Variants in DOCK5 observed in about 807,000 individuals in gnomAD.
DOCK5 encodes dedicator of cytokinesis protein 5.
Under a neutral mutation model 251.8 loss-of-function variants are expected in DOCK5, and 142 were observed. The ratio of observed to expected loss-of-function variants is 0.56; its 90% confidence interval spans 0.49 to 0.65. The LOEUF is 0.65. Among genes scored for constraint, DOCK5 ranks in the 30% least tolerant of loss-of-function variants. The pLI, the probability that DOCK5 is intolerant of heterozygous loss-of-function variation, is 0.00. For missense variants in DOCK5, 2,111 were observed against 2,312.3 expected, an observed-to-expected ratio of 0.91 and a Z score of 1.79; for synonymous variants, 842 against 835.5, an observed-to-expected ratio of 1.01 and a Z score of -0.13.
At chr8:25,278,330 C>A (rs550884330) in intron 4 of DOCK5, among the ~76,000 whole-genome samples, 19 of 152,276 alleles carry the variant, frequency 1.2e-4, no homozygotes, top group African/African-American at 4.3e-4. Flanking sequence ...CTGGGGAGGT[C>A]GAGGCTGGGC....
chr8:25,202,620 T>C (rs1042620296), intron 1 of DOCK5, among the ~76,000 whole-genome samples: 3 of 152,178 alleles, frequency 2.0e-5, no homozygotes, highest in Admixed American at 6.5e-5. Flanking sequence ...GATCACACAG[T>C]AGTCCCGCCT....
Position 25,317,022 on chromosome 8 carries a change from A to T in DOCK5, c.1334A>T (p.Asp445Val). 13 of 1,613,956 alleles carry T rather than the reference A, an allele frequency of 8.1e-6. No individual in the cohort carries two copies. Among genetic ancestry groups the T allele is most frequent in the Non-Finnish European group, 1.0e-5 (12 of 1,179,872 alleles). Residue 445 changes from aspartate to valine, a missense_variant, in exon 14 of 52, where the codon GAC becomes GTC. By Grantham distance (152) the Asp-to-Val change is radical. Coordinates refer to ENST00000276440, the MANE Select transcript of DOCK5 (RefSeq NM_024940.8). Reference protein sequence around the residue: ...EIILPGDVRNDIYVTLIHGEF... With the variant: ...EIILPGDVRNVIYVTLIHGEF... Reference sequence around the variant, plus strand: ...CATGTTGCAGGAGATGTTCGGAATGACATTTATGTCACCCTGATCCACGGT... The same window carrying T: ...CATGTTGCAGGAGATGTTCGGAATGTCATTTATGTCACCCTGATCCACGGT...
intron 4 of DOCK5, chr8:25,276,857 A>G (rs537509447): frequency 3.3e-4 from 51 of 152,308 alleles, no homozygotes; most frequent in African/African-American, 1.2e-3. Context: ...GACCCATACA[A>G]CAGCAGAATT....
intron 37 of DOCK5, chr8:25,376,245 T>G: frequency 1.0e-6 from 1 of 985,376 alleles, no homozygotes; most frequent in Non-Finnish European, 1.2e-6. Context: ...CTCAGGAAGG[T>G]AAACTCTCCT....
At chr8:25,235,799 CTTTTTTTTTT>C (rs924321586) in intron 1 of DOCK5, among the ~76,000 whole-genome samples, 2 of 128,606 alleles carry the variant, frequency 1.6e-5, no homozygotes, top group Admixed American at 8.5e-5. Flanking sequence ...TTTTCTTTTC[CTTTTTTTTTT>C]TTTTTTTTGA....
chr8:25,186,915 T>C (rs1371611752), intron 1 of DOCK5, among the ~76,000 whole-genome samples: 1 of 151,994 alleles, frequency 6.6e-6, no homozygotes, highest in African/African-American at 2.4e-5. Context: ...AGAAAAATAT[T>C]TGGGCCAGGT....
At chr8:25,334,228 T>C (rs1260904527) in intron 21 of DOCK5, 32 bp downstream of exon 21, 6 of 1,539,690 alleles carry the variant, frequency 3.9e-6, no homozygotes, top group Admixed American at 1.7e-5. Flanking sequence ...TACATGTTGT[T>C]GGATCTTTGG....
In DOCK5 at chr8:25,255,159, G is replaced by A. The variant is rs144588751; in HGVS notation, c.127+11402G>A. On this transcript the variant is annotated intron_variant, in intron 2 of 51. Transcript: ENST00000276440. ...AGACAGTTTGTTAGTGTCTTAGAAA[G>A]CTAAACACACTCTCATCACACAATG... is the stretch of plus-strand genomic sequence containing the variant. Among the ~76,000 whole-genome samples the A allele has an allele frequency of 6.6e-4, 100 of 152,280 alleles. 4 individuals carry two copies. The South Asian group carries it at 0.014, about 21-fold the overall frequency.
Position 25,226,086 on chromosome 8 carries a change from A to T in DOCK5, c.44-17588A>T, listed in dbSNP as rs925980914. Among the ~76,000 whole-genome samples, 8 of 152,308 alleles carry T rather than the reference A, an allele frequency of 5.3e-5. No individual in the cohort carries two copies. The East Asian group carries it at 1.5e-3, about 29-fold the overall frequency. ...ATTGAAAATTAAGAAAAAATACTGA[A>T]GTCATTTAGCAGGTAAAATAAAACA... On this transcript the variant is annotated intron_variant, in intron 1 of 51. Coordinates refer to ENST00000276440, the MANE Select transcript of DOCK5 (RefSeq NM_024940.8).
intron 13 of DOCK5, among the ~76,000 whole-genome samples, chr8:25,311,912 A>G (rs1170947088): frequency 6.7e-6 from 1 of 150,368 alleles, no homozygotes; most frequent in African/African-American, 2.5e-5. Flanking sequence ...ACAGAGCAAG[A>G]CTCTGCCTCC....
intron 42 of DOCK5, among the ~76,000 whole-genome samples, chr8:25,390,957 C>T (rs1350794671): frequency 3.3e-5 from 5 of 152,000 alleles, no homozygotes; most frequent in East Asian, 1.9e-4. Flanking sequence ...TACAGGTACA[C>T]GCCGCCACAC....
intron 26 of DOCK5, among the ~76,000 whole-genome samples, chr8:25,348,566 G>A (rs538218789): frequency 2.0e-5 from 3 of 152,302 alleles, no homozygotes; most frequent in East Asian, 3.9e-4. Context: ...CCAGCTGGGT[G>A]CAGTGGCTCA....
At chr8:25,398,957 A>C (rs114797847) in intron 45 of DOCK5, among the ~76,000 whole-genome samples, 559 of 152,318 alleles carry the variant, frequency 3.7e-3, no homozygotes, top group African/African-American at 0.013. Flanking sequence ...AAAATGGGCC[A>C]TTCACTTTTA....
chr8:25,215,777 C>T (rs1213531607), intron 1 of DOCK5, among the ~76,000 whole-genome samples: 2 of 151,708 alleles, frequency 1.3e-5, no homozygotes, highest in African/African-American at 4.8e-5. Flanking sequence ...TATAATAATT[C>T]CTATTACAAT....
intron 44 of DOCK5, among the ~76,000 whole-genome samples, chr8:25,393,312 T>C (rs558621424): frequency 1.3e-5 from 2 of 152,360 alleles, no homozygotes; most frequent in East Asian, 3.9e-4. Context: ...CTGTTTAGTA[T>C]TGATTAAATC....
chr8:25,403,463 G>T, intron 47 of DOCK5, 95 bp from the exon 48 acceptor site: 1 of 1,318,728 alleles, frequency 7.6e-7, no homozygotes, highest in Non-Finnish European at 1.1e-6. Flanking sequence ...AGTACAGATG[G>T]GTACTGGTTA....
In DOCK5 at chr8:25,413,494, C is replaced by T. The variant is rs1801664522; in HGVS notation, c.*2196C>T. ...GGATATGTAGGGGCTTACCTAGAGC[C>T]TGGCACGACTTCTGAGAAGTCACCC... On this transcript the variant is annotated 3_prime_UTR_variant, in exon 52 of 52. Transcript: ENST00000276440. 6.6e-6 allele frequency: 1 copy of T among 152,164 alleles called. No homozygotes were observed. The highest frequency in any genetic ancestry group is 1.9e-4 in the East Asian group (1 of 5,190). 9.4% of individuals were successfully genotyped at this position (152,164 alleles called of 1,614,324 possible).
At chr8:25,314,982 A>G (rs192320921) in intron 13 of DOCK5, among the ~76,000 whole-genome samples, 1 of 148,472 alleles carries the variant, frequency 6.7e-6, no homozygotes, top group Non-Finnish European at 1.5e-5. Flanking sequence ...GTAGCTTCCT[A>G]CCTGGTTTTC....
Position 25,390,230 on chromosome 8 carries a change from C to A in DOCK5, c.4298C>A (p.Pro1433Gln). The stretch of plus-strand genomic sequence containing the variant: ...GACATGCAGTGCTTCACTGTAAAGC[C>A]AGTGATGAGCTTGCCGCCCAGCTAC... ...KQYMQCFTVKPVMSLPPSYKD... is the reference protein window; with the variant it reads ...KQYMQCFTVKQVMSLPPSYKD... The change falls in exon 42 of 52, where the codon CCA becomes CAA. Residue 1433 changes from proline to glutamine, a missense_variant. Transcript: ENST00000276440. 1 of 1,595,186 alleles carries A rather than the reference C, an allele frequency of 6.3e-7. No homozygotes were observed. The highest frequency in any genetic ancestry group is 2.3e-5 in the East Asian group (1 of 44,208).
Sources: gnomAD v4.1 joint callset for allele counts (sites outside exome capture counted in the v4.1 genomes callset) on GRCh38, gnomAD v4.1.1 for gene constraint, MANE v1.5 for transcripts, NCBI Gene and HGNC (gene_info 2026-07-23, HGNC 2026-07-21) for gene names.